The following PTPRK variants were observed in gnomAD, a reference collection of about 807,000 sequenced individuals.
The protein encoded by PTPRK is receptor-type tyrosine-protein phosphatase kappa.
Under a neutral mutation model 178.0 loss-of-function variants are expected in PTPRK, and 75 were observed. That is an observed-to-expected ratio of 0.42 (90% CI 0.35 to 0.51). The LOEUF is 0.51. Ranked by LOEUF, PTPRK falls within the 20% of genes least tolerant of loss-of-function variation. The pLI, the probability that PTPRK is intolerant of heterozygous loss-of-function variation, is 0.02. For missense variants in PTPRK, 1,441 were observed against 1,797.8 expected, an observed-to-expected ratio of 0.80 and a Z score of 3.59; for synonymous variants, 637 against 620.6, an observed-to-expected ratio of 1.03 and a Z score of -0.39.
intron 3 of PTPRK, among the ~76,000 whole-genome samples, chr6:128,279,212 TAAA>T (rs58937614): frequency 9.6e-5 from 14 of 145,432 alleles, no homozygotes; most frequent in Non-Finnish European, 9.0e-5. Context: ...GAGGTTAAAT[TAAA>T]AAAAAAAAAA....
intron 6 of PTPRK, among the ~76,000 whole-genome samples, chr6:128,214,497 A>G (rs1808854722): frequency 6.6e-6 from 1 of 152,102 alleles, no homozygotes. Flanking sequence ...CTGTGTACAA[A>G]AGCTCTCTAC....
intron 1 of PTPRK, among the ~76,000 whole-genome samples, chr6:128,486,958 G>T (rs1205697068): frequency 6.6e-6 from 1 of 151,072 alleles, no homozygotes; most frequent in Admixed American, 6.6e-5. Context: ...AACTAGCTCA[G>T]AAAAAAAGAA....
chr6:128,285,393 T>C (rs1421226831), intron 3 of PTPRK, among the ~76,000 whole-genome samples: 3 of 151,806 alleles, frequency 2.0e-5, no homozygotes, highest in Non-Finnish European at 4.4e-5. Flanking sequence ...CGGGTGCTTG[T>C]AATCCCAGCT....
intron 2 of PTPRK, among the ~76,000 whole-genome samples, chr6:128,388,191 TTTTGTG>T (rs1470573073): frequency 6.6e-6 from 1 of 152,134 alleles, no homozygotes; most frequent in African/African-American, 2.4e-5. Context: ...CAGGAAAGTT[TTTTGTG>T]TTTATTTATT....
At chr6:128,114,279 G>A (rs758148886) in intron 7 of PTPRK, among the ~76,000 whole-genome samples, 11 of 151,920 alleles carry the variant, frequency 7.2e-5, no homozygotes, top group Admixed American at 1.3e-4. Context: ...ATTACATGAC[G>A]GCAGGAGAGA....
chr6:128,043,588 TTAA>T (rs1777550892), intron 13 of PTPRK, among the ~76,000 whole-genome samples: 1 of 151,928 alleles, frequency 6.6e-6, no homozygotes, highest in Non-Finnish European at 1.5e-5. Context: ...AAACCAAAGG[TTAA>T]GAAAGATGGT....
chr6:128,012,238 T>C (rs1779133740), intron 13 of PTPRK, among the ~76,000 whole-genome samples: 1 of 151,238 alleles, frequency 6.6e-6, no homozygotes, highest in Non-Finnish European at 1.5e-5. Flanking sequence ...ATATATTTAT[T>C]AGTTTGGATA....
chr6:128,492,022 C>T (rs1323377500), intron 1 of PTPRK, among the ~76,000 whole-genome samples: 1 of 152,110 alleles, frequency 6.6e-6, no homozygotes, highest in Non-Finnish European at 1.5e-5. Context: ...TGCCTATCTG[C>T]CTAAAACTCT....
chr6:128,195,599 C>T (rs148771348), intron 6 of PTPRK, among the ~76,000 whole-genome samples: 1 of 152,130 alleles, frequency 6.6e-6, no homozygotes, highest in East Asian at 1.9e-4. Flanking sequence ...GTATGTACAA[C>T]TAATATATTT....
At chr6:128,048,364 C>A (rs774309555) in intron 13 of PTPRK, among the ~76,000 whole-genome samples, 3 of 152,164 alleles carry the variant, frequency 2.0e-5, no homozygotes, top group Non-Finnish European at 4.4e-5. Context: ...TCTAGCTCAT[C>A]CCCTGGATTT....
intron 1 of PTPRK, among the ~76,000 whole-genome samples, chr6:128,403,588 T>C (rs1244572034): frequency 6.6e-6 from 1 of 152,098 alleles, no homozygotes; most frequent in East Asian, 1.9e-4. Context: ...GTTTTTTTTT[T>C]GGTTAAAAAA....
intron 8 of PTPRK, among the ~76,000 whole-genome samples, chr6:128,084,575 T>G (rs1028871010): frequency 2.0e-5 from 3 of 152,196 alleles, no homozygotes; most frequent in Non-Finnish European, 4.4e-5. Context: ...TATGACCATA[T>G]TTGAAGAGCC....
At position 128,291,231 on chromosome 6, in the gene PTPRK, C is replaced by T. The variant is rs145953476; in HGVS notation, c.495+30808G>A. On this transcript the variant is annotated intron_variant, in intron 3 of 29. Coordinates refer to ENST00000368226, the MANE Select transcript of PTPRK (RefSeq NM_002844.4). ...TGGGAGAAGGGCTCAACCCTGCTGTCGCTGGTCTTGAAGACAGAAGGGGCC... is the reference window on the plus strand; with the variant it reads ...TGGGAGAAGGGCTCAACCCTGCTGTTGCTGGTCTTGAAGACAGAAGGGGCC... Among the ~76,000 whole-genome samples, 901 of 152,138 alleles carry T rather than the reference C, an allele frequency of 5.9e-3. 12 individuals carry two copies. The highest frequency in any genetic ancestry group is 0.021 in the African/African-American group (860 of 41,514).
At chr6:128,270,091 A>G (rs949650752) in intron 3 of PTPRK, among the ~76,000 whole-genome samples, 1 of 152,034 alleles carries the variant, frequency 6.6e-6, no homozygotes, top group Non-Finnish European at 1.5e-5. Context: ...TTTCCTGGAA[A>G]CCACTTCATA....
At chr6:128,229,607 C>T (rs568938607) in intron 5 of PTPRK, among the ~76,000 whole-genome samples, 3 of 152,070 alleles carry the variant, frequency 2.0e-5, no homozygotes, top group Admixed American at 6.5e-5. Context: ...TCTCACAGTA[C>T]CAGGTAGCAA....
chr6:128,344,325 A>G (rs1470201221), intron 2 of PTPRK, among the ~76,000 whole-genome samples: 1 of 152,184 alleles, frequency 6.6e-6, no homozygotes, highest in African/African-American at 2.4e-5. Flanking sequence ...AGTAAATGAA[A>G]TCACACTCAT....
At chr6:128,478,968 C>A (rs1851709867) in intron 1 of PTPRK, among the ~76,000 whole-genome samples, 1 of 152,002 alleles carries the variant, frequency 6.6e-6, no homozygotes, top group Non-Finnish European at 1.5e-5. Flanking sequence ...TCAGCCAGTG[C>A]TCCTGGGCTC....
At chr6:128,200,358 A>G (rs1466946938) in intron 6 of PTPRK, among the ~76,000 whole-genome samples, 1 of 152,142 alleles carries the variant, frequency 6.6e-6, no homozygotes, top group Non-Finnish European at 1.5e-5. Flanking sequence ...TTTGACTTTT[A>G]TCATGAAGAG....
chr6:128,424,607 C>T (rs1034487747), intron 1 of PTPRK, among the ~76,000 whole-genome samples: 1 of 152,136 alleles, frequency 6.6e-6, no homozygotes. Context: ...TGATCCAAAT[C>T]AGCATCTCCT....
Sources: allele counts gnomAD v4.1 joint callset (sites outside exome capture counted in the v4.1 genomes callset), GRCh38; gene constraint gnomAD v4.1.1; transcripts MANE v1.5; gene names NCBI Gene and HGNC (gene_info 2026-07-23, HGNC 2026-07-21).